PDZRN4: variants seen among roughly 807,000 people sequenced by gnomAD.
The protein encoded by PDZRN4 is PDZ domain containing ring finger 4.
Under a neutral mutation model 99.0 loss-of-function variants are expected in PDZRN4, and 70 were observed. That is an observed-to-expected ratio of 0.71 (90% CI 0.58 to 0.86). PDZRN4 has a LOEUF of 0.86. Among genes scored for constraint, PDZRN4 ranks in the 40% least tolerant of loss-of-function variants. PDZRN4 has a pLI of 0.00. For missense variants in PDZRN4, 1,474 were observed against 1,331.2 expected (o/e 1.11, Z -1.67); for synonymous variants, 551 against 501.6 (o/e 1.10, Z -1.32).
intron 5 of PDZRN4, among the ~76,000 whole-genome samples, chr12:41,513,296 C>A (rs1257665014): frequency 6.6e-6 from 1 of 151,942 alleles, no homozygotes; most frequent in Non-Finnish European, 1.5e-5. Flanking sequence ...GTGTTAGGAA[C>A]CTCTATGAAA....
intron 3 of PDZRN4, among the ~76,000 whole-genome samples, chr12:41,224,506 T>A (rs1950980311): frequency 1.3e-5 from 2 of 152,174 alleles, no homozygotes; most frequent in Admixed American, 1.3e-4. Flanking sequence ...CAGGTTCAAA[T>A]GGCTTTCGTG....
At chr12:41,350,407 T>C (rs1215615761) in intron 3 of PDZRN4, among the ~76,000 whole-genome samples, 2 of 152,072 alleles carry the variant, frequency 1.3e-5, no homozygotes, top group African/African-American at 4.8e-5. Context: ...GATGAATGTC[T>C]ATAGAAAACT....
chr12:41,319,076 A>T (rs1215446626), intron 3 of PDZRN4, among the ~76,000 whole-genome samples: 1 of 152,160 alleles, frequency 6.6e-6, no homozygotes, highest in Non-Finnish European at 1.5e-5. Flanking sequence ...AAATTTTCAC[A>T]TGCATCTTGA....
intron 3 of PDZRN4, among the ~76,000 whole-genome samples, chr12:41,506,211 C>T (rs1214465255): frequency 6.6e-6 from 1 of 152,036 alleles, no homozygotes; most frequent in African/African-American, 2.4e-5. Flanking sequence ...GCTAATAGTT[C>T]TGCTGTTTTA....
At chr12:41,222,843 G>A (rs1388624479) in intron 3 of PDZRN4, among the ~76,000 whole-genome samples, 1 of 152,074 alleles carries the variant, frequency 6.6e-6, no homozygotes, top group Non-Finnish European at 1.5e-5. Context: ...ATTATTTATA[G>A]CTCTATAGAA....
intron 3 of PDZRN4, among the ~76,000 whole-genome samples, chr12:41,277,522 C>A (rs531792576): frequency 6.6e-6 from 1 of 152,126 alleles, no homozygotes; most frequent in Non-Finnish European, 1.5e-5. Flanking sequence ...AACAGATGGC[C>A]GGCCTTCTTA....
chr12:41,504,023 C>G (rs934854656), intron 3 of PDZRN4, among the ~76,000 whole-genome samples: 5 of 152,268 alleles, frequency 3.3e-5, no homozygotes, highest in African/African-American at 1.2e-4. Context: ...GCAATCCCAG[C>G]ACTTTGGGAG....
chr12:41,405,741 TATACACC>T (rs1952342997), intron 3 of PDZRN4, among the ~76,000 whole-genome samples: 3 of 152,116 alleles, frequency 2.0e-5, no homozygotes, highest in Non-Finnish European at 4.4e-5. Flanking sequence ...ATGTGGTACC[TATACACC>T]ATGGAATACT....
chr12:41,452,516 A>G (rs572690027), intron 3 of PDZRN4, among the ~76,000 whole-genome samples: 1 of 152,034 alleles, frequency 6.6e-6, no homozygotes, highest in Non-Finnish European at 1.5e-5. Context: ...GATGCCTAAT[A>G]TTACCTTCAG....
chr12:41,502,505 T>C (rs1464096349), intron 3 of PDZRN4, among the ~76,000 whole-genome samples: 1 of 152,134 alleles, frequency 6.6e-6, no homozygotes, highest in Non-Finnish European at 1.5e-5. Context: ...TCAAGTTACC[T>C]TGCACCCTCT....
rs1939533127 is a variant in PDZRN4 at position 41,573,933 on chromosome 12, A to G, written c.*43A>G. 1 of 1,381,238 alleles carries G rather than the reference A, an allele frequency of 7.2e-7. No homozygotes were observed. The highest frequency in any genetic ancestry group is 9.8e-7 in the Non-Finnish European group (1 of 1,019,004). 85.6% of individuals were successfully genotyped at this position (1,381,238 alleles called of 1,614,324 possible). A position where few individuals can be genotyped will look rare whatever the true frequency, so the allele number is the denominator to read the frequency against. ...ATGCGACTGATTTTAGGAGGATGCT[A>G]CCAGTTTCGGTAGAGTATGATTGCC... is the stretch of plus-strand genomic sequence containing the variant. On this transcript the variant is annotated 3_prime_UTR_variant, in exon 10 of 10. Coordinates refer to ENST00000402685, the MANE Select transcript of PDZRN4 (RefSeq NM_001164595.2).
chr12:41,188,626 G>A lies in PDZRN4; in HGVS notation c.171G>A (p.Gln57=). ...VRRRRCPLQC[Q]PLAPGELYRV... ...GGCGCCGGTGCCCGCTGCAGTGCCA[G>A]CCCTTGGCGCCCGGCGAGCTGTACC... Residue 57 remains glutamine (Q), a synonymous_variant, in exon 1 of 10, where the codon CAG becomes CAA. Transcript: ENST00000402685. The A allele has an allele frequency of 6.5e-7, 1 of 1,539,630 alleles. No homozygotes were observed. The highest frequency in any genetic ancestry group is 2.4e-5 in the East Asian group (1 of 41,180).
At chr12:41,492,779 G>A (rs935213076) in intron 3 of PDZRN4, among the ~76,000 whole-genome samples, 1 of 152,060 alleles carries the variant, frequency 6.6e-6, no homozygotes. Context: ...GTCACTCAGG[G>A]ATAGCTATTT....
At chr12:41,495,166 A>G (rs1003743147) in intron 3 of PDZRN4, among the ~76,000 whole-genome samples, 5 of 152,002 alleles carry the variant, frequency 3.3e-5, no homozygotes, top group Non-Finnish European at 7.4e-5. Context: ...AGAAAGAGAA[A>G]CAGAGAGAGA....
rs148976009 is a variant in PDZRN4, at chr12:41,572,561, T to C, written c.1782T>C (p.Thr594=). Residue 594 remains threonine, a synonymous_variant, in exon 10 of 10, where the codon ACT becomes ACC. Transcript: ENST00000402685. ...SKRDLGQSQD[T]LGSVELQYNE... The stretch of plus-strand genomic sequence containing the variant: ...GAGACCTGGGGCAGAGCCAAGACAC[T>C]CTGGGAAGTGTTGAACTTCAGTACA... 396 of 1,614,090 alleles carry C rather than the reference T, an allele frequency of 2.5e-4. 2 individuals carry two copies. The African/African-American group carries it at 4.7e-3, about 19-fold the overall frequency.
chr12:41,480,292 T>C (rs1404922443), intron 3 of PDZRN4, among the ~76,000 whole-genome samples: 1 of 152,196 alleles, frequency 6.6e-6, no homozygotes, highest in Non-Finnish European at 1.5e-5. Flanking sequence ...CATTAGTTCA[T>C]TGCTCAGTCA....
At chr12:41,192,029 T>G (rs1025332017) in intron 2 of PDZRN4, among the ~76,000 whole-genome samples, 6 of 152,216 alleles carry the variant, frequency 3.9e-5, no homozygotes, top group South Asian at 4.1e-4. Flanking sequence ...GTGATCCACC[T>G]CACGGTCTCC....
At chr12:41,424,827 G>C (rs1392277091) in intron 3 of PDZRN4, among the ~76,000 whole-genome samples, 1 of 152,106 alleles carries the variant, frequency 6.6e-6, no homozygotes, top group Non-Finnish European at 1.5e-5. Flanking sequence ...CAAGCCTGGA[G>C]TGAGTGGAGA....
chr12:41,346,817 C>T (rs1365415216), intron 3 of PDZRN4, among the ~76,000 whole-genome samples: 1 of 152,116 alleles, frequency 6.6e-6, no homozygotes, highest in African/African-American at 2.4e-5. Flanking sequence ...TGTCATTCTC[C>T]ATTCCTCTAA....
Sources: allele counts gnomAD v4.1 joint callset (sites outside exome capture counted in the v4.1 genomes callset), GRCh38; gene constraint gnomAD v4.1.1; transcripts MANE v1.5; gene names NCBI Gene and HGNC (gene_info 2026-07-23, HGNC 2026-07-21).